The following NHS variants were observed in gnomAD, a reference collection of about 807,000 sequenced individuals.
NHS encodes the protein actin remodeling regulator NHS.
In NHS, 5 loss-of-function variants were observed where a neutral mutation model predicts 72.5. The observed-to-expected ratio is 0.07, with a 90% CI of 0.04 to 0.14. NHS has a LOEUF of 0.14. Among genes scored for constraint, NHS ranks in the 10% least tolerant of loss-of-function variants. The probability of loss-of-function intolerance (pLI) is 1.00; values close to 1 mark genes in which losing one functional copy is unlikely to be tolerated. For missense variants in NHS, 1,072 were observed against 1,355.7 expected (o/e 0.79, Z 3.29); for synonymous variants, 464 against 547.7 (o/e 0.85, Z 2.13).
intron 1 of NHS, among the ~76,000 whole-genome samples, chrX:17,672,808 G>A (rs2066055807): frequency 8.9e-6 from 1 of 112,240 alleles, no homozygotes. Context: ...GTCCTACCTG[G>A]AAGTAAGTTC....
chrX:17,720,882 G>C (rs2066402286), intron 4 of NHS, among the ~76,000 whole-genome samples: 1 of 112,170 alleles, frequency 8.9e-6, no homozygotes, highest in South Asian at 3.7e-4. Context: ...TCATGAAACT[G>C]AATTTTTAAA....
chrX:17,537,670 G>A (rs756306702), intron 1 of NHS, among the ~76,000 whole-genome samples: 2 of 112,296 alleles, frequency 1.8e-5, no homozygotes, highest in Non-Finnish European at 3.8e-5. Context: ...AGCAGTGACA[G>A]GAGACTATGT....
At chrX:17,476,912 A>G (rs920366952) in intron 1 of NHS, among the ~76,000 whole-genome samples, 3 of 112,238 alleles carry the variant, frequency 2.7e-5, no homozygotes, top group Non-Finnish European at 5.6e-5. Flanking sequence ...TGCTTACCTG[A>G]AAGGTCTGAG....
At chrX:17,589,412 ATG>A (rs1298017037) in intron 1 of NHS, among the ~76,000 whole-genome samples, 1 of 111,834 alleles carries the variant, frequency 8.9e-6, no homozygotes, top group African/African-American at 3.3e-5. Flanking sequence ...AGAACATACG[ATG>A]TTTGGTTTTC....
At position 17,375,789 on chromosome X, in the gene NHS, A is replaced by C; in HGVS notation, c.32A>C (p.Gln11Pro). MPFAKRIVEP[Q>P]WLCRQRRPAP... ...TTCGCCAAGCGGATCGTGGAGCCGC[A>C]ATGGCTGTGCAGGCAGCGGCGCCCT... Residue 11 changes from glutamine (Q) to proline (P), a missense_variant, in exon 1 of 9, where the codon CAA (glutamine) becomes CCA (proline). Physicochemically the swap from Gln to Pro is moderately conservative, Grantham distance 76. Transcript: ENST00000676302. 1 of 1,152,847 alleles carries C rather than the reference A, an allele frequency of 8.7e-7. No homozygotes were observed.
At chrX:17,571,530 T>C (rs2065478141) in intron 1 of NHS, among the ~76,000 whole-genome samples, 1 of 112,011 alleles carries the variant, frequency 8.9e-6, no homozygotes, top group Non-Finnish European at 1.9e-5. Flanking sequence ...CTTTATCATT[T>C]TTTATTGCAT....
Position 17,728,714 on chromosome X carries a change from G to A in NHS, c.4288G>A (p.Gly1430Ser), listed in dbSNP as rs1277344126. 1 of 1,210,801 alleles carries A rather than the reference G, an allele frequency of 8.3e-7. No homozygotes were observed. The highest frequency in any genetic ancestry group is 1.7e-5 in the African/African-American group (1 of 57,619). ...TGAAGACTCCCAAGCTGAAGCAGAG[G>A]GTGTGTTCGTGTCTCCAAACAAACC... ...LSEDSQAEAEGVFVSPNKPRT... is the reference protein window; with the variant it reads ...LSEDSQAEAESVFVSPNKPRT... The change falls in exon 8 of 9, where the codon GGT becomes AGT. Residue 1430 changes from glycine to serine, a missense_variant. Coordinates refer to ENST00000676302, the MANE Select transcript of NHS (RefSeq NM_001291867.2).
At chrX:17,475,446 T>C (rs1438674477) in intron 1 of NHS, among the ~76,000 whole-genome samples, 1 of 112,419 alleles carries the variant, frequency 8.9e-6, no homozygotes, top group Admixed American at 9.4e-5. Flanking sequence ...TTGGTAGCCA[T>C]TCAGGCCCTG....
At chrX:17,384,640 C>A (rs1204387772) in intron 1 of NHS, among the ~76,000 whole-genome samples, 1 of 112,037 alleles carries the variant, frequency 8.9e-6, no homozygotes, top group Non-Finnish European at 1.9e-5. Flanking sequence ...CTCTCAGAAA[C>A]GTCTTCAGTC....
rs190460274 is a variant in NHS, at chrX:17,553,777, G to C, written c.566-133965G>C. Among the ~76,000 whole-genome samples, 592 of 111,430 alleles carry C rather than the reference G, an allele frequency of 5.3e-3. 4 individuals are homozygous for C. Among genetic ancestry groups the C allele is most frequent in the African/African-American group, 0.019 (572 of 30,581 alleles). On this transcript the variant is annotated intron_variant, in intron 1 of 8. Transcript: ENST00000676302. ...CCTGTTTCGGGGGCGGGGTAGGGGGGCGGTGCTTGGGAGACTGCTTTCTCA... is the reference window on the plus strand; with the variant it reads ...CCTGTTTCGGGGGCGGGGTAGGGGGCCGGTGCTTGGGAGACTGCTTTCTCA...
At chrX:17,608,674 T>C (rs1051472884) in intron 1 of NHS, among the ~76,000 whole-genome samples, 3 of 110,069 alleles carry the variant, frequency 2.7e-5, no homozygotes, top group Non-Finnish European at 5.7e-5. Context: ...GAAAAGACTT[T>C]TTTTTTTTTT....
chrX:17,451,514 C>A (rs985197410), intron 1 of NHS, among the ~76,000 whole-genome samples: 2 of 112,428 alleles, frequency 1.8e-5, no homozygotes, highest in African/African-American at 3.2e-5. Flanking sequence ...ATCTTTGTGA[C>A]TTTTCTATTA....
chrX:17,712,393 C>CACAT (rs1301774080), intron 3 of NHS, among the ~76,000 whole-genome samples: 3,245 of 81,281 alleles, frequency 0.04, 215 homozygotes, highest in African/African-American at 0.13. Context: ...CACACACACA[C>CACAT]ATATATATAT....
intron 1 of NHS, among the ~76,000 whole-genome samples, chrX:17,615,201 T>C (rs1319777502): frequency 1.1e-5 from 1 of 92,792 alleles, no homozygotes; most frequent in Admixed American, 1.2e-4. Context: ...TACACATATA[T>C]ACGTATATAT....
intron 1 of NHS, among the ~76,000 whole-genome samples, chrX:17,659,390 A>G (rs1007749240): frequency 1.8e-4 from 20 of 112,313 alleles, no homozygotes; most frequent in Admixed American, 1.1e-3. Context: ...AGGGATTTGG[A>G]AAGATGTAGC....
chrX:17,664,372 G>A (rs928708011), intron 1 of NHS, among the ~76,000 whole-genome samples: 8 of 111,752 alleles, frequency 7.2e-5, no homozygotes, highest in African/African-American at 2.6e-4. Flanking sequence ...GTTGTGTATG[G>A]AGTAAGGTAG....
At chrX:17,652,665 T>C (rs780709618) in intron 1 of NHS, among the ~76,000 whole-genome samples, 14 of 111,757 alleles carry the variant, frequency 1.3e-4, no homozygotes, top group Non-Finnish European at 2.1e-4. Context: ...TAGTGGTATA[T>C]AGCACTACAG....
intron 1 of NHS, among the ~76,000 whole-genome samples, chrX:17,506,617 G>A (rs1399973752): frequency 9.0e-6 from 1 of 111,060 alleles, no homozygotes; most frequent in Admixed American, 9.7e-5. Flanking sequence ...GAGACTTCAG[G>A]GACTTAGAAT....
intron 1 of NHS, among the ~76,000 whole-genome samples, chrX:17,485,783 G>A (rs2064965077): frequency 9.0e-6 from 1 of 111,713 alleles, no homozygotes; most frequent in African/African-American, 3.3e-5. Flanking sequence ...TTTGTGCTGG[G>A]TTGTATTGAG....
Sources: allele counts gnomAD v4.1 joint callset (sites outside exome capture counted in the v4.1 genomes callset), GRCh38; gene constraint gnomAD v4.1.1; transcripts MANE v1.5; gene names NCBI Gene and HGNC (gene_info 2026-07-23, HGNC 2026-07-21).